Variants in PFKFB3 observed in about 807,000 individuals in gnomAD.
PFKFB3 encodes 6-phosphofructo-2-kinase/fructose-2,6-biphosphatase 3.
PFKFB3 carries 33 observed loss-of-function variants against 68.0 expected under a neutral mutation model. That is an observed-to-expected ratio of 0.49 (90% CI 0.37 to 0.65). The LOEUF (loss-of-function observed/expected upper bound fraction) is 0.65, where lower values mean the gene tolerates loss of function less well. PFKFB3 is among the 30% of genes least tolerant of loss of function. The pLI, the probability that PFKFB3 is intolerant of heterozygous loss-of-function variation, is 0.00. For missense variants in PFKFB3, 586 were observed against 712.2 expected (o/e 0.82, Z 2.02); for synonymous variants, 315 against 288.2 (o/e 1.09, Z -0.94).
At chr10:6,292,194 TCCTC>T in the PFKFB3 span, among the ~76,000 whole-genome samples, 538 of 148,850 alleles carry the variant, frequency 3.6e-3, 4 homozygotes, top group African/African-American at 0.013. Context: ...TCTCAAGTGA[TCCTC>T]CCACCTCAGC....
At chr10:6,174,445 C>T (rs913487554) in intron 1 of PFKFB3, among the ~76,000 whole-genome samples, 3 of 152,224 alleles carry the variant, frequency 2.0e-5, no homozygotes, top group Non-Finnish European at 2.9e-5. Context: ...AGATGGGACG[C>T]GGGCATCAGC....
chr10:6,283,540 A>AGATGGAGGCTGGAAGACTCAGCCCACGCT, the PFKFB3 span, among the ~76,000 whole-genome samples: 20 of 151,034 alleles, frequency 1.3e-4, no homozygotes, highest in African/African-American at 3.4e-4. Flanking sequence ...CATGGGAGAA[A>AGATGGAGGCTGGAAGACTCAGCCCACGCT]GATGGAGGCT....
At chr10:6,246,321 A>T (rs1846258331) in intron 14 of PFKFB3, among the ~76,000 whole-genome samples, 1 of 148,180 alleles carries the variant, frequency 6.7e-6, no homozygotes, top group African/African-American at 2.5e-5. Flanking sequence ...ATTTTTATTT[A>T]TTTTATTTAT....
intron 1 of PFKFB3, among the ~76,000 whole-genome samples, chr10:6,165,066 G>T (rs668796): frequency 6.6e-6 from 1 of 151,950 alleles, no homozygotes; most frequent in Non-Finnish European, 1.5e-5. Context: ...GGCACGGTCA[G>T]GTCTTTCCCT....
chr10:6,271,757 G>A, the PFKFB3 span, among the ~76,000 whole-genome samples: 1 of 152,214 alleles, frequency 6.6e-6, no homozygotes, highest in Non-Finnish European at 1.5e-5. Flanking sequence ...TAGCCACAGC[G>A]CCTTCTCCCG....
intron 1 of PFKFB3, chr10:6,146,330 G>A: frequency 6.5e-7 from 1 of 1,528,516 alleles, no homozygotes; most frequent in Non-Finnish European, 8.8e-7. Context: ...TGGGCTCCTG[G>A]CGGTGAAGGG....
rs192012938 is a variant in PFKFB3 at position 6,183,872 on chromosome 10, A to G, written c.17-29751A>G. On this transcript the variant is annotated intron_variant, in intron 1 of 14. Transcript: ENST00000379789. ...CCGGCTAATTTTTTTTTATATTTTT[A>G]GTAGAGACGGGGTTTCACCGTGTTA... is the stretch of plus-strand genomic sequence containing the variant. 5.1e-3 allele frequency among the ~76,000 whole-genome samples: 762 copies of G among 150,816 alleles called. 4 individuals carry two copies. The highest frequency in any genetic ancestry group is 0.018 in the African/African-American group (729 of 41,064).
At chr10:6,168,771 C>G (rs1180725648) in intron 1 of PFKFB3, among the ~76,000 whole-genome samples, 2 of 152,178 alleles carry the variant, frequency 1.3e-5, no homozygotes, top group Admixed American at 1.3e-4. Context: ...CTGTTTGAGC[C>G]CTTACATTCA....
intron 14 of PFKFB3, among the ~76,000 whole-genome samples, chr10:6,242,456 G>T (rs1013803552): frequency 1.3e-5 from 2 of 152,176 alleles, no homozygotes; most frequent in African/African-American, 4.8e-5. Flanking sequence ...TTTCCAGCCT[G>T]ATGGCAGCCC....
chr10:6,169,363 G>A (rs1257838298), intron 1 of PFKFB3, among the ~76,000 whole-genome samples: 3 of 152,152 alleles, frequency 2.0e-5, no homozygotes, highest in East Asian at 3.9e-4. Context: ...GGACTCTGGC[G>A]GCTGTGAGCA....
the PFKFB3 span, among the ~76,000 whole-genome samples, chr10:6,315,609 G>C: frequency 6.6e-6 from 1 of 152,142 alleles, no homozygotes; most frequent in Admixed American, 6.5e-5. Context: ...TCAGCCTCCT[G>C]AGTAGCTGAG....
At chr10:6,161,821 A>G (rs1841984206) in intron 1 of PFKFB3, among the ~76,000 whole-genome samples, 1 of 152,168 alleles carries the variant, frequency 6.6e-6, no homozygotes, top group South Asian at 2.1e-4. Flanking sequence ...TTAATTTTGT[A>G]GAAACAGGGT....
intron 1 of PFKFB3, among the ~76,000 whole-genome samples, chr10:6,194,813 C>T (rs187667362): frequency 6.6e-6 from 1 of 152,112 alleles, no homozygotes; most frequent in East Asian, 1.9e-4. Flanking sequence ...CTGTGAAGGG[C>T]ATAGAACACC....
chr10:6,184,245 G>A (rs1199574178), intron 1 of PFKFB3, among the ~76,000 whole-genome samples: 1 of 151,866 alleles, frequency 6.6e-6, no homozygotes, highest in Non-Finnish European at 1.5e-5. Flanking sequence ...TAGAGACGGG[G>A]TTTCGCCATG....
the PFKFB3 span, among the ~76,000 whole-genome samples, chr10:6,302,822 G>A: frequency 3.3e-5 from 5 of 151,958 alleles, no homozygotes; most frequent in African/African-American, 1.2e-4. Context: ...GTGTGTGTGT[G>A]TTTTATGTGA....
intron 1 of PFKFB3, among the ~76,000 whole-genome samples, chr10:6,205,934 A>C (rs1445296075): frequency 1.3e-5 from 2 of 151,728 alleles, no homozygotes; most frequent in African/African-American, 2.4e-5. Flanking sequence ...AGTAGCCGGG[A>C]CTATAAGTGT....
At chr10:6,244,493 G>T (rs546545762) in intron 14 of PFKFB3, among the ~76,000 whole-genome samples, 2 of 152,128 alleles carry the variant, frequency 1.3e-5, no homozygotes, top group South Asian at 4.2e-4. Flanking sequence ...GAATTTGGGC[G>T]CAGCATCCAG....
At chr10:6,236,870 C>T (rs747801253), downstream of PFKFB3, among the ~76,000 whole-genome samples, 1 of 152,228 alleles carries the variant, frequency 6.6e-6, no homozygotes, top group Non-Finnish European at 1.5e-5. Flanking sequence ...GCTAGGTCCA[C>T]AGTCACTGAC....
At chr10:6,178,560 G>A (rs1273328240) in intron 1 of PFKFB3, among the ~76,000 whole-genome samples, 2 of 17,322 alleles carry the variant, frequency 1.2e-4, no homozygotes, top group African/African-American at 1.8e-4. Context: ...CGGAGCTGCT[G>A]GAGAGCTTCC....
Sources: gnomAD v4.1 joint callset for allele counts (sites outside exome capture counted in the v4.1 genomes callset) on GRCh38, gnomAD v4.1.1 for gene constraint, MANE v1.5 for transcripts, NCBI Gene and HGNC (gene_info 2026-07-23, HGNC 2026-07-21) for gene names.